Variants in HIVEP1 observed in about 807,000 individuals in gnomAD.
The protein encoded by HIVEP1 is HIVEP zinc finger 1, also known as zinc finger protein 40.
Under a neutral mutation model 180.0 loss-of-function variants are expected in HIVEP1, and 36 were observed. That is an observed-to-expected ratio of 0.20 (90% CI 0.15 to 0.26). HIVEP1 has a LOEUF of 0.26. Ranked by LOEUF, HIVEP1 falls within the 10% of genes least tolerant of loss-of-function variation. HIVEP1 has a pLI of 1.00. For synonymous variants in HIVEP1, 1,239 were observed against 1,239.0 expected, an observed-to-expected ratio of 1.00 and a Z score of 0.00; for missense variants, 3,143 against 3,268.7, an observed-to-expected ratio of 0.96 and a Z score of 0.94.
intron 7 of HIVEP1, among the ~76,000 whole-genome samples, chr6:12,143,733 A>G (rs925688427): frequency 2.6e-5 from 4 of 152,250 alleles, no homozygotes; most frequent in African/African-American, 9.6e-5. Context: ...GCATTCCTAT[A>G]CACCAATAAC....
intron 3 of HIVEP1, among the ~76,000 whole-genome samples, chr6:12,115,475 A>AG (rs1319328838): frequency 6.7e-6 from 1 of 149,516 alleles, no homozygotes; most frequent in Non-Finnish European, 1.5e-5. Context: ...GTGGTCTGAC[A>AG]GGGGCAGTGC....
chr6:12,009,041 G>C (rs1767142648), upstream of HIVEP1, among the ~76,000 whole-genome samples: 1 of 151,560 alleles, frequency 6.6e-6, no homozygotes, highest in Non-Finnish European at 1.5e-5. Flanking sequence ...GAGGGCGGAG[G>C]GCGGAGGGCC....
chr6:12,170,660 T>C, the HIVEP1 span, among the ~76,000 whole-genome samples: 1 of 152,138 alleles, frequency 6.6e-6, no homozygotes, highest in African/African-American at 2.4e-5. Flanking sequence ...TAGCAAGGCA[T>C]CTGACGAAGC....
chr6:12,207,378 A>G, the HIVEP1 span, among the ~76,000 whole-genome samples: 1 of 152,192 alleles, frequency 6.6e-6, no homozygotes, highest in Non-Finnish European at 1.5e-5. Flanking sequence ...TGTTCAATAA[A>G]TATAATTTTC....
chr6:12,134,586 A>G (rs1390445210), intron 6 of HIVEP1, among the ~76,000 whole-genome samples: 1 of 152,234 alleles, frequency 6.6e-6, no homozygotes. Context: ...CTTATTCTCA[A>G]ATACTACTTT....
chr6:12,113,184 G>A (rs897350141), intron 3 of HIVEP1, among the ~76,000 whole-genome samples: 1 of 150,824 alleles, frequency 6.6e-6, no homozygotes, highest in South Asian at 2.1e-4. Flanking sequence ...AGATACACAT[G>A]TAAACAGGCA....
chr6:12,093,711 A>T (rs1010952161), intron 3 of HIVEP1, among the ~76,000 whole-genome samples: 1 of 150,548 alleles, frequency 6.6e-6, no homozygotes, highest in Non-Finnish European at 1.5e-5. Flanking sequence ...TTTGCTTCTT[A>T]GCTCTCTATT....
intron 7 of HIVEP1, among the ~76,000 whole-genome samples, chr6:12,142,580 A>C (rs571386441): frequency 1.2e-4 from 18 of 152,346 alleles, no homozygotes; most frequent in African/African-American, 4.3e-4. Context: ...CCTTGAAAAA[A>C]TCAATGAATC....
chr6:12,147,186 T>G (rs1447107147), intron 7 of HIVEP1, among the ~76,000 whole-genome samples: 4 of 152,172 alleles, frequency 2.6e-5, no homozygotes, highest in African/African-American at 7.2e-5. Context: ...AGTTTCAGCA[T>G]GAGAACTGCC....
chr6:12,092,458 TTTAAG>T lies in HIVEP1; in HGVS notation c.94+3225_94+3229del, dbSNP rs540827905. Among the ~76,000 whole-genome samples the T allele has an allele frequency of 1.1e-3, 160 of 152,318 alleles. 2 individuals are homozygous for T. The highest frequency in any genetic ancestry group is 3.3e-3 in the African/African-American group (136 of 41,570). ...TTGTTGGCCCATTCTTCTGTTGATA[TTTAAG>T]TTATTTCCACCTTTTTGCTATCATA... On this transcript the variant is annotated intron_variant, in intron 3 of 8. Transcript: ENST00000379388.
intron 5 of HIVEP1, among the ~76,000 whole-genome samples, chr6:12,130,134 A>G (rs1758338476): frequency 6.6e-6 from 1 of 152,224 alleles, no homozygotes; most frequent in East Asian, 1.9e-4. Context: ...AAACTAAATT[A>G]TTAGAGTGAA....
intron 7 of HIVEP1, among the ~76,000 whole-genome samples, chr6:12,155,410 A>G (rs184143470): frequency 6.5e-5 from 9 of 137,596 alleles, no homozygotes; most frequent in African/African-American, 1.7e-4. Context: ...CCACACCCCT[A>G]TCACCCCCCA....
chr6:12,070,734 G>C (rs1734893211), intron 2 of HIVEP1, among the ~76,000 whole-genome samples: 1 of 152,148 alleles, frequency 6.6e-6, no homozygotes, highest in African/African-American at 2.4e-5. Context: ...AGCTCTACCA[G>C]TAGGAAAACA....
At chr6:12,061,290 C>G (rs1430599341) in intron 2 of HIVEP1, among the ~76,000 whole-genome samples, 1 of 152,132 alleles carries the variant, frequency 6.6e-6, no homozygotes, top group Non-Finnish European at 1.5e-5. Context: ...AATGTACACC[C>G]TGGTTATAAA....
chr6:12,122,966 C>G lies in HIVEP1; in HGVS notation c.3171C>G (p.Gly1057=), dbSNP rs1258471970. ...GAACATCTCCAAAAAGTTCTGAAGG[C>G]CTTCAGTTTCAGAATGCTCTGGGCT... The part of the protein sequence containing the change: ...ESGTSPKSSE[G]LQFQNALGCN... Residue 1057 remains glycine, a synonymous_variant, in exon 4 of 9, where the codon GGC becomes GGG. Coordinates refer to ENST00000379388, the MANE Select transcript of HIVEP1 (RefSeq NM_002114.4). The G allele has an allele frequency of 4.3e-6, 7 of 1,613,730 alleles. No individual in the cohort carries two copies. The African/African-American group carries it at 9.3e-5, about 22-fold the overall frequency.
chr6:12,128,980 G>A (rs1052029476), intron 4 of HIVEP1, among the ~76,000 whole-genome samples: 1 of 152,170 alleles, frequency 6.6e-6, no homozygotes, highest in African/African-American at 2.4e-5. Flanking sequence ...GGTGGCTGAG[G>A]TGGGAGGATC....
upstream of HIVEP1, among the ~76,000 whole-genome samples, chr6:12,011,391 G>A (rs549336196): frequency 6.7e-6 from 1 of 149,480 alleles, no homozygotes; most frequent in African/African-American, 2.5e-5. Context: ...ACGGTAAAGA[G>A]AAACTACGGC....
upstream of HIVEP1, among the ~76,000 whole-genome samples, chr6:12,011,341 G>T (rs1767285351): frequency 8.0e-6 from 1 of 124,312 alleles, no homozygotes; most frequent in Non-Finnish European, 1.6e-5. Context: ...ACCCCATGAC[G>T]TCAGCGGCCG....
intron 7 of HIVEP1, among the ~76,000 whole-genome samples, chr6:12,145,302 G>A (rs1759303072): frequency 6.6e-6 from 1 of 152,010 alleles, no homozygotes; most frequent in African/African-American, 2.4e-5. Flanking sequence ...CTCACTCACA[G>A]ATGGGAATTG....
Sources: allele counts gnomAD v4.1 joint callset (sites outside exome capture counted in the v4.1 genomes callset), GRCh38; gene constraint gnomAD v4.1.1; transcripts MANE v1.5; gene names NCBI Gene and HGNC (gene_info 2026-07-23, HGNC 2026-07-21).